Variants in CSTPP1 observed in about 807,000 individuals in gnomAD.
CSTPP1 encodes centriolar satellite-associated tubulin polyglutamylase complex regulator 1, also known as UPF0705 protein C11orf49.
At chr11:47,152,654 G>A in the CSTPP1 span, among the ~76,000 whole-genome samples, 3 of 152,308 alleles carry the variant, frequency 2.0e-5, no homozygotes, top group African/African-American at 7.2e-5. Context: ...TGATGGTGGC[G>A]CTACTTTGTG....
At chr11:46,942,459 C>T in the CSTPP1 span, among the ~76,000 whole-genome samples, 1 of 152,196 alleles carries the variant, frequency 6.6e-6, no homozygotes, top group Non-Finnish European at 1.5e-5. Flanking sequence ...TTATTTTTTA[C>T]TCCACCTAAT....
the CSTPP1 span, among the ~76,000 whole-genome samples, chr11:47,066,304 G>A: frequency 6.6e-6 from 1 of 151,904 alleles, no homozygotes. Flanking sequence ...ATTCCCAGCT[G>A]GGGCCACTGT....
the CSTPP1 span, chr11:47,052,297 G>C: frequency 3.4e-6 from 5 of 1,459,484 alleles, no homozygotes; most frequent in Non-Finnish European, 4.6e-6. Flanking sequence ...CCCCGTTTTT[G>C]GCAGTGGTTC....
chr11:47,002,927 C>T, the CSTPP1 span, among the ~76,000 whole-genome samples: 1 of 152,096 alleles, frequency 6.6e-6, no homozygotes, highest in Non-Finnish European at 1.5e-5. Flanking sequence ...CTGATAATTC[C>T]CTGAATACTT....
chr11:46,945,932 G>A, the CSTPP1 span, among the ~76,000 whole-genome samples: 3 of 152,232 alleles, frequency 2.0e-5, no homozygotes, highest in Non-Finnish European at 2.9e-5. Context: ...CAGCTTCTCA[G>A]TCATGGAAGG....
chr11:47,059,160 A>G, the CSTPP1 span, among the ~76,000 whole-genome samples: 1 of 152,194 alleles, frequency 6.6e-6, no homozygotes, highest in Non-Finnish European at 1.5e-5. Flanking sequence ...CGATGGACAC[A>G]GGGAGGAGAA....
the CSTPP1 span, among the ~76,000 whole-genome samples, chr11:47,128,757 C>T: frequency 6.6e-6 from 1 of 152,096 alleles, no homozygotes; most frequent in Non-Finnish European, 1.5e-5. Flanking sequence ...TGGCTCACAA[C>T]ATCCTTATTT....
the CSTPP1 span, among the ~76,000 whole-genome samples, chr11:46,965,129 A>G: frequency 2.0e-5 from 3 of 152,098 alleles, no homozygotes; most frequent in Non-Finnish European, 4.4e-5. Flanking sequence ...TACTTTCAAA[A>G]TGTTACTATA....
the CSTPP1 span, among the ~76,000 whole-genome samples, chr11:47,056,433 A>G: frequency 1.3e-5 from 2 of 152,200 alleles, no homozygotes; most frequent in Non-Finnish European, 2.9e-5. Flanking sequence ...AGGGATTCAT[A>G]TAGCATTTGG....
At chr11:47,013,301 A>G in the CSTPP1 span, among the ~76,000 whole-genome samples, 1 of 151,902 alleles carries the variant, frequency 6.6e-6, no homozygotes, top group Non-Finnish European at 1.5e-5. Flanking sequence ...TTTGTTACAT[A>G]GATAAACATG....
At chr11:46,969,391 G>C in the CSTPP1 span, among the ~76,000 whole-genome samples, 1 of 152,128 alleles carries the variant, frequency 6.6e-6, no homozygotes, top group Non-Finnish European at 1.5e-5. Flanking sequence ...AATGGTAAAA[G>C]CTTTTATAAT....
At chr11:46,987,365 C>A in the CSTPP1 span, 1 of 1,412,172 alleles carries the variant, frequency 7.1e-7, no homozygotes, top group Non-Finnish European at 1.0e-6. Context: ...CGCTTGGAAG[C>A]AGGCAGGATA....
the CSTPP1 span, among the ~76,000 whole-genome samples, chr11:47,142,415 C>T: frequency 6.6e-6 from 1 of 152,044 alleles, no homozygotes; most frequent in East Asian, 1.9e-4. Flanking sequence ...ATCAGTACTT[C>T]ATTTCGCCAA....
chr11:47,073,432 G>A, the CSTPP1 span, among the ~76,000 whole-genome samples: 1 of 152,234 alleles, frequency 6.6e-6, no homozygotes, highest in Non-Finnish European at 1.5e-5. Context: ...AGTGACTCAT[G>A]CCTGTAATCC....
chr11:46,972,750 G>A, the CSTPP1 span, among the ~76,000 whole-genome samples: 14 of 152,134 alleles, frequency 9.2e-5, no homozygotes, highest in Admixed American at 9.2e-4. Flanking sequence ...TGAACAGAAT[G>A]TTTCCTCAGT....
the CSTPP1 span, among the ~76,000 whole-genome samples, chr11:47,090,945 A>G: frequency 6.6e-6 from 1 of 150,796 alleles, no homozygotes; most frequent in African/African-American, 2.4e-5. Flanking sequence ...AGGCTGAGGC[A>G]GGAGAATGGC....
At chr11:46,996,682 A>G in the CSTPP1 span, among the ~76,000 whole-genome samples, 1 of 152,020 alleles carries the variant, frequency 6.6e-6, no homozygotes. Context: ...ACAATTTGGC[A>G]TGTTTTTGCA....
the CSTPP1 span, among the ~76,000 whole-genome samples, chr11:46,988,233 A>C: frequency 6.6e-6 from 1 of 152,336 alleles, no homozygotes; most frequent in South Asian, 2.1e-4. Flanking sequence ...AAGAAAGGAA[A>C]TTAGTGTATC....
chr11:47,146,535 A>C, the CSTPP1 span, among the ~76,000 whole-genome samples: 5 of 152,226 alleles, frequency 3.3e-5, no homozygotes, highest in Admixed American at 1.3e-4. Flanking sequence ...GAAACTCCCA[A>C]CTAAATTGAG....
Sources: allele counts gnomAD v4.1 joint callset (sites outside exome capture counted in the v4.1 genomes callset), GRCh38; gene constraint gnomAD v4.1.1; transcripts MANE v1.5; gene names NCBI Gene and HGNC (gene_info 2026-07-23, HGNC 2026-07-21).